Variants in C9orf72 observed in about 807,000 individuals in gnomAD.
C9orf72 encodes guanine nucleotide exchange factor C9orf72.
Under a neutral mutation model 51.6 loss-of-function variants are expected in C9orf72, and 44 were observed. The ratio of observed to expected loss-of-function variants is 0.85; its 90% CI spans 0.67 to 1.10. The LOEUF (loss-of-function observed/expected upper bound fraction) is 1.10, where lower values mean the gene tolerates loss of function less well. Ranked by LOEUF, C9orf72 falls within the 50% of genes least tolerant of loss-of-function variation. The pLI is 0.00. For synonymous variants in C9orf72, 213 were observed against 194.2 expected (o/e 1.10, Z -0.81); for missense variants, 607 against 570.6 (o/e 1.06, Z -0.65).
At chr9:27,572,479 C>A (rs1391511129) in intron 1 of C9orf72, among the ~76,000 whole-genome samples, 1 of 146,216 alleles carries the variant, frequency 6.8e-6, no homozygotes, top group East Asian at 2.0e-4. Context: ...TTTTTTTGAT[C>A]CTTTGTACAA....
chr9:27,570,076 T>C (rs535158823), intron 1 of C9orf72, among the ~76,000 whole-genome samples: 26 of 152,338 alleles, frequency 1.7e-4, no homozygotes, highest in African/African-American at 6.0e-4. Context: ...ACACGTGTAT[T>C]TGTAATTTCA....
Position 27,548,441 on chromosome 9 carries a change from A to C in C9orf72, c.1260-19T>G. ...CTTCTGCCTAAAAATAATGGAAAAA[A>C]AAAAAAAAAAAAAAAAAAAAGAAGC... On this transcript the variant is annotated intron_variant, in intron 10 of 10. Transcript: ENST00000380003. The C allele has an allele frequency of 7.9e-7, 1 of 1,270,088 alleles. No homozygotes were observed. Among genetic ancestry groups the C allele is most frequent in the Non-Finnish European group, 1.0e-6 (1 of 967,448 alleles). The allele number at this position is 1,270,088 out of a possible 1,614,324, so 78.7% of individuals were successfully genotyped here.
At chr9:27,573,104 G>C (rs1473700326) in intron 1 of C9orf72, among the ~76,000 whole-genome samples, 4 of 152,046 alleles carry the variant, frequency 2.6e-5, no homozygotes, top group South Asian at 2.1e-4. Flanking sequence ...CCCTTTTCTC[G>C]AGCCCGCAGC....
At chr9:27,573,567 C>A (rs1819649232), upstream of C9orf72, 1 of 148,140 alleles carries the variant, frequency 6.8e-6, no homozygotes, top group South Asian at 1.9e-4. Context: ...CTCCTGAGTT[C>A]CAGAGCTTGC....
chr9:27,559,559 T>C (rs183117748), intron 6 of C9orf72: 1 of 152,286 alleles, frequency 6.6e-6, no homozygotes, highest in Admixed American at 6.5e-5. Context: ...ATTTCCAACA[T>C]ATTTCCTATG....
At chr9:27,567,293 T>C (rs1819492179) in intron 1 of C9orf72, 129 bp from the exon 2 acceptor site, 2 of 611,120 alleles carry the variant, frequency 3.3e-6, no homozygotes, top group Non-Finnish European at 5.8e-6. Flanking sequence ...TTATCTCCTA[T>C]CAGGATAAAG....
In C9orf72 at chr9:27,566,984, G is replaced by T. The variant is rs1053249621; in HGVS notation, c.137C>A (p.Ala46Asp). The T allele has an allele frequency of 6.2e-7, 1 of 1,614,074 alleles. No individual in the cohort carries two copies. The highest frequency in any genetic ancestry group is 8.5e-7 in the Non-Finnish European group (1 of 1,179,956). ...GAGAAGTACCTGTTCTGTCTTTGGA[G>T]CCCAAATGTGCCTTACTCTAGGACC... is the stretch of plus-strand genomic sequence containing the variant. ...ILGPRVRHIW[A>D]PKTEQVLLSD... Residue 46 changes from alanine to aspartate, a missense_variant, in exon 2 of 11, where the codon GCT (alanine) becomes GAT (aspartate). Ala to Asp is a moderately radical substitution (Grantham distance 126, BLOSUM62 -2). Transcript: ENST00000380003.
At chr9:27,562,512 C>T (rs373175287) in intron 3 of C9orf72, 36 bp from the exon 4 acceptor site, 10 of 1,069,702 alleles carry the variant, frequency 9.3e-6, no homozygotes, top group Admixed American at 7.7e-5. Flanking sequence ...AAGAAAATCA[C>T]GTAATATGAG....
intron 1 of C9orf72, among the ~76,000 whole-genome samples, chr9:27,571,494 C>T (rs887866035): frequency 2.0e-5 from 3 of 152,110 alleles, no homozygotes; most frequent in African/African-American, 7.2e-5. Context: ...CTCGTTTTGT[C>T]ATCCAGGCTG....
Position 27,566,889 on chromosome 9 carries a change from C to A in C9orf72, c.232G>T (p.Gly78Cys). 6.2e-7 allele frequency: 1 copy of A among 1,613,964 alleles called. No homozygotes were observed. The highest frequency in any genetic ancestry group is 8.5e-7 in the Non-Finnish European group (1 of 1,179,884). The change falls in exon 2 of 11, where the codon GGT becomes TGT. Residue 78 changes from glycine to cysteine, a missense_variant. By Grantham distance (159) the Gly-to-Cys change is radical (BLOSUM62 -3). Transcript: ENST00000380003. ...NGEILRNAES[G>C]AIDVKFFVLS... ...ACAAAAAACTTTACATCTATAGCAC[C>A]ACTCTCTGCATTTCGAAGGATTTCT... is the stretch of plus-strand genomic sequence containing the variant.
chr9:27,558,534 G>T lies in C9orf72; in HGVS notation c.812C>A (p.Ser271Ter). 6.2e-7 allele frequency: 1 copy of T among 1,608,182 alleles called. No individual in the cohort carries two copies. ...AAAGAGCCCTGACTCATATTTAAAT[G>T]ATGATTCTGCTTCACATAACCTGGA... ...KCSRLCEAES[S>*]FKYESGLFVQ... Residue 271 changes from serine to a stop codon, truncating the protein, a stop_gained, in exon 7 of 11, where the codon TCA (serine) becomes TAA (stop). Coordinates refer to ENST00000380003, the MANE Select transcript of C9orf72 (RefSeq NM_018325.5). LOFTEE classifies it high-confidence loss of function.
intron 7 of C9orf72, 50 bp downstream of exon 7, chr9:27,558,440 CA>C (rs1339990085): frequency 4.3e-5 from 43 of 998,090 alleles, no homozygotes; most frequent in Non-Finnish European, 6.2e-5. Context: ...TAAAGAGTCT[CA>C]AAAATGATTT....
intron 8 of C9orf72, among the ~76,000 whole-genome samples, chr9:27,554,196 C>T (rs534227703): frequency 6.6e-6 from 1 of 152,102 alleles, no homozygotes; most frequent in Non-Finnish European, 1.5e-5. Context: ...AATTTTTCTA[C>T]CATAAAGACA....
At chr9:27,554,621 T>A in intron 8 of C9orf72, 1 of 398,368 alleles carries the variant, frequency 2.5e-6, no homozygotes, top group South Asian at 1.3e-4. Context: ...CATGTACACA[T>A]GAACCTAAAA....
intron 8 of C9orf72, among the ~76,000 whole-genome samples, chr9:27,555,104 C>T (rs574443456): frequency 5.3e-5 from 8 of 152,240 alleles, no homozygotes; most frequent in Non-Finnish European, 1.2e-4. Context: ...ATACTAAGCA[C>T]TTTAGGAAAA....
In C9orf72 at chr9:27,561,288, G is replaced by T. The variant is rs951369654; in HGVS notation, c.665+297C>A. On this transcript the variant is annotated intron_variant, in intron 5 of 10. Coordinates refer to ENST00000380003, the MANE Select transcript of C9orf72 (RefSeq NM_018325.5). Reference sequence around the variant, plus strand: ...ATCTACAGTACAACTTAATATGAAAGGATTCTGTTAGCTTTAATGAGAAGT... The same window carrying T: ...ATCTACAGTACAACTTAATATGAAATGATTCTGTTAGCTTTAATGAGAAGT... 4.4e-6 allele frequency: 5 copies of T among 1,148,898 alleles called. No individual in the cohort carries two copies. The African/African-American group carries it at 8.3e-5, about 19-fold the overall frequency. The allele number at this position is 1,148,898 out of a possible 1,614,324, so 71.2% of individuals were successfully genotyped here. A position where few individuals can be genotyped will look rare whatever the true frequency, so the allele number is the denominator to read the frequency against.
chr9:27,568,155 C>A (rs970073836), intron 1 of C9orf72, among the ~76,000 whole-genome samples: 8 of 137,354 alleles, frequency 5.8e-5, no homozygotes, highest in Non-Finnish European at 1.2e-4. Flanking sequence ...AATGGGCAAA[C>A]AGTCCTGTAT....
Position 27,550,634 on chromosome 9 carries a change from C to A in C9orf72, c.1149+16G>T. On this transcript the variant is annotated intron_variant, in intron 9 of 10. Transcript: ENST00000380003. ...GTCATATCATTCACTCTGACAATCT[C>A]AAGTTCAACATTTACCTGATCCAGG... The A allele has an allele frequency of 6.6e-7, 1 of 1,525,840 alleles. No individual in the cohort carries two copies. The highest frequency in any genetic ancestry group is 1.2e-5 in the South Asian group (1 of 85,512). The allele number at this position is 1,525,840 out of a possible 1,614,324, so 94.5% of individuals were successfully genotyped here. A position where few individuals can be genotyped will look rare whatever the true frequency, so the allele number is the denominator to read the frequency against.
chr9:27,552,087 C>A (rs1027256479), intron 8 of C9orf72, among the ~76,000 whole-genome samples: 2 of 152,182 alleles, frequency 1.3e-5, no homozygotes, highest in African/African-American at 2.4e-5. Flanking sequence ...ATTATACTGC[C>A]TGCAAACAGA....
Sources: gnomAD v4.1 joint callset for allele counts (sites outside exome capture counted in the v4.1 genomes callset) on GRCh38, gnomAD v4.1.1 for gene constraint, MANE v1.5 for transcripts, NCBI Gene and HGNC (gene_info 2026-07-23, HGNC 2026-07-21) for gene names.